The following RYR3 variants were observed in gnomAD, a reference collection of about 807,000 sequenced individuals.
RYR3 encodes ryanodine receptor 3, also known as brain ryanodine receptor-calcium release channel.
Under a neutral mutation model 584.3 loss-of-function variants are expected in RYR3, and 207 were observed. The observed-to-expected ratio is 0.35, with a 90% CI of 0.32 to 0.40. The LOEUF (loss-of-function observed/expected upper bound fraction) is 0.40, where lower values mean the gene tolerates loss of function less well. RYR3 is among the 10% of genes least tolerant of loss of function. RYR3 has a pLI of 1.00. For synonymous variants in RYR3, 2,416 were observed against 2,248.5 expected, an observed-to-expected ratio of 1.07 and a Z score of -2.11; for missense variants, 5,616 against 6,089.2, an observed-to-expected ratio of 0.92 and a Z score of 2.59.
At chr15:33,722,980 T>C in intron 44 of RYR3, 85 bp downstream of exon 44, 1 of 1,216,550 alleles carries the variant, frequency 8.2e-7, no homozygotes, top group Non-Finnish European at 1.2e-6. Context: ...TAGGAGGTAA[T>C]AGAGAAAGCA....
intron 94 of RYR3, chr15:33,851,640 G>C (rs917806187): frequency 6.6e-6 from 1 of 152,094 alleles, no homozygotes; most frequent in East Asian, 1.9e-4. Context: ...AGGTAAGACC[G>C]CATCTATGAA....
At chr15:33,725,976 C>CCCCGCCAAAA (rs1555427643) in intron 45 of RYR3, among the ~76,000 whole-genome samples, 1 of 31,522 alleles carries the variant, frequency 3.2e-5, no homozygotes, top group African/African-American at 1.1e-4. Context: ...TCCCCCCCCC[C>CCCCGCCAAAA]AAAAAAAAAA....
At chr15:33,772,991 A>G (rs2073703846) in intron 63 of RYR3, among the ~76,000 whole-genome samples, 1 of 152,252 alleles carries the variant, frequency 6.6e-6, no homozygotes, top group Admixed American at 6.5e-5. Flanking sequence ...CCCCTAGGAA[A>G]CATGATAAAA....
chr15:33,369,066 G>A (rs1219559054), intron 1 of RYR3, among the ~76,000 whole-genome samples: 3 of 152,096 alleles, frequency 2.0e-5, no homozygotes, highest in African/African-American at 4.8e-5. Flanking sequence ...ACTATATGCC[G>A]GATACAGCTT....
At chr15:33,725,184 C>CACACACACACACACACATATAT (rs2068278740) in intron 45 of RYR3, among the ~76,000 whole-genome samples, 2 of 147,724 alleles carry the variant, frequency 1.4e-5, no homozygotes, top group South Asian at 2.1e-4. Context: ...CACACACACA[C>CACACACACACACACACATATAT]ACACACACAC....
At chr15:33,792,528 C>T (rs2075224945) in intron 67 of RYR3, among the ~76,000 whole-genome samples, 1 of 152,178 alleles carries the variant, frequency 6.6e-6, no homozygotes, top group Non-Finnish European at 1.5e-5. Flanking sequence ...TCACCATCAT[C>T]GCTTCTATTC....
At chr15:33,582,810 G>T (rs1170189943) in intron 14 of RYR3, among the ~76,000 whole-genome samples, 1 of 152,182 alleles carries the variant, frequency 6.6e-6, no homozygotes, top group Non-Finnish European at 1.5e-5. Context: ...TTTACTGACT[G>T]AAGATGCAAA....
chr15:33,749,920 A>G (rs1231945825), intron 55 of RYR3, 59 bp from the exon 56 acceptor site: 4 of 1,504,828 alleles, frequency 2.7e-6, no homozygotes, highest in Admixed American at 3.7e-5. Context: ...CCTAGCAGCT[A>G]TGAAGCCAGC....
At chr15:33,567,218 C>T (rs1435384283) in intron 12 of RYR3, among the ~76,000 whole-genome samples, 5 of 152,156 alleles carry the variant, frequency 3.3e-5, no homozygotes, top group Admixed American at 6.5e-5. Flanking sequence ...AAAGTAACTT[C>T]TCACTGGAAG....
intron 19 of RYR3, among the ~76,000 whole-genome samples, chr15:33,617,041 C>A (rs1174270602): frequency 6.6e-6 from 1 of 152,206 alleles, no homozygotes; most frequent in Non-Finnish European, 1.5e-5. Context: ...CTTCTCTGTA[C>A]TACTTTAGTT....
chr15:33,794,575 G>A (rs1321875554), intron 67 of RYR3, among the ~76,000 whole-genome samples: 1 of 151,892 alleles, frequency 6.6e-6, no homozygotes, highest in African/African-American at 2.4e-5. Flanking sequence ...TGTCACTATT[G>A]ACGATCAAGA....
At position 33,646,151 on chromosome 15, in the gene RYR3, C is replaced by T. The variant is rs868723340; in HGVS notation, c.3766-200C>T. 2.9e-5 allele frequency: 14 copies of T among 476,704 alleles called. No homozygotes were observed. In the Middle Eastern group the frequency reaches 1.6e-3, roughly 56 times the overall value. 29.5% of individuals were successfully genotyped at this position (476,704 alleles called of 1,614,324 possible). The stretch of plus-strand genomic sequence containing the variant: ...AGCATGTTTTTAAATCTCTAATTTC[C>T]CTAGCCAGGAGCAGATCTGTTTCTT... On this transcript the variant is annotated intron_variant, in intron 28 of 103. Transcript: ENST00000634891.
In RYR3 at chr15:33,705,837, A is replaced by G. The variant is rs1433649912; in HGVS notation, c.6484-1082A>G. Among the ~76,000 whole-genome samples, 5 of 152,220 alleles carry G rather than the reference A, an allele frequency of 3.3e-5. No individual in the cohort carries two copies. The South Asian group carries it at 6.2e-4, about 19-fold the overall frequency. ...CCACTCTGGGTCAGTCAGTGACTGAATATTGTAGCCTTGCAATACCATGGC... is the reference window on the plus strand; with the variant it reads ...CCACTCTGGGTCAGTCAGTGACTGAGTATTGTAGCCTTGCAATACCATGGC... On this transcript the variant is annotated intron_variant, in intron 42 of 103. Coordinates refer to ENST00000634891, the MANE Select transcript of RYR3 (RefSeq NM_001036.6).
rs566779908 is a variant in RYR3 at position 33,400,979 on chromosome 15, C to A, written c.52-72440C>A. ...TACAACAGCTTGCCTTAACCACCCA[C>A]TATGGTCTGGTCACCCTGAAATAAC... On this transcript the variant is annotated intron_variant, in intron 1 of 103. Transcript: ENST00000634891. Among the ~76,000 whole-genome samples, 3 of 152,146 alleles carry A rather than the reference C, an allele frequency of 2.0e-5. No individual in the cohort carries two copies. In the East Asian group the frequency reaches 5.8e-4, roughly 29 times the overall value.
intron 10 of RYR3, among the ~76,000 whole-genome samples, chr15:33,555,263 T>G (rs2056991867): frequency 1.3e-5 from 2 of 152,110 alleles, no homozygotes; most frequent in Admixed American, 1.3e-4. Flanking sequence ...TCTCTGAAAC[T>G]CTGGTGCAGA....
rs764265026 is a variant in RYR3 at position 33,473,436 on chromosome 15, C to G, written c.69C>G (p.Leu23=). 8.1e-6 allele frequency: 13 copies of G among 1,613,768 alleles called. No individual in the cohort carries two copies. The South Asian group carries it at 1.2e-4, about 15-fold the overall frequency. Residue 23 remains leucine, a synonymous_variant, in exon 2 of 104, where the codon CTC becomes CTG. Transcript: ENST00000634891. ...QFLRTEDEVV[L]QCIATIHKEQ... ...CCTGGCAGGAGGATGAAGTGGTACT[C>G]CAGTGCATCGCCACCATTCATAAGG...
chr15:33,584,718 G>T (rs2058757189), intron 15 of RYR3, among the ~76,000 whole-genome samples: 1 of 151,798 alleles, frequency 6.6e-6, no homozygotes, highest in South Asian at 2.1e-4. Context: ...TTTTTACTCT[G>T]TGCCTTCATT....
At chr15:33,450,967 G>C (rs889980510) in intron 1 of RYR3, among the ~76,000 whole-genome samples, 3 of 152,092 alleles carry the variant, frequency 2.0e-5, no homozygotes, top group African/African-American at 7.2e-5. Flanking sequence ...ATGGAGCATC[G>C]TGTGGTCCTT....
rs752422188 is a variant in RYR3, at chr15:33,857,863, C to A, written c.14091C>A (p.Asn4697Lys). ...VAFNFFRKFYNKSEDDDEPDM... is the reference protein window; with the variant it reads ...VAFNFFRKFYKKSEDDDEPDM... ...TCAACTTCTTCCGCAAGTTCTACAA[C>A]AAAAGCGAAGACGATGACGAGCCCG... Residue 4697 changes from asparagine (N) to lysine (K), a missense_variant, in exon 99 of 104, where the codon AAC becomes AAA. Coordinates refer to ENST00000634891, the MANE Select transcript of RYR3 (RefSeq NM_001036.6). 1 of 1,614,080 alleles carries A rather than the reference C, an allele frequency of 6.2e-7. No homozygotes were observed. Among genetic ancestry groups the A allele is most frequent in the African/African-American group, 1.3e-5 (1 of 74,920 alleles).
Sources: allele counts gnomAD v4.1 joint callset (sites outside exome capture counted in the v4.1 genomes callset), GRCh38; gene constraint gnomAD v4.1.1; transcripts MANE v1.5; gene names NCBI Gene and HGNC (gene_info 2026-07-23, HGNC 2026-07-21).